LDB2: variants seen among roughly 807,000 people sequenced by gnomAD.
The protein encoded by LDB2 is LIM domain binding 2.
LDB2 carries 12 observed loss-of-function variants against 44.3 expected under a neutral mutation model. The ratio of observed to expected loss-of-function variants is 0.27; its 90% CI spans 0.17 to 0.44. LDB2 has a LOEUF of 0.44. Among genes scored for constraint, LDB2 ranks in the 20% least tolerant of loss-of-function variants. LDB2 has a pLI of 1.00. For synonymous variants in LDB2, 164 were observed against 174.8 expected (o/e 0.94, Z 0.49); for missense variants, 344 against 473.5 (o/e 0.73, Z 2.54).
At chr4:16,856,558 ACAATAGC>A (rs2110223422) in intron 1 of LDB2, among the ~76,000 whole-genome samples, 1 of 152,332 alleles carries the variant, frequency 6.6e-6, no homozygotes, top group East Asian at 1.9e-4. Context: ...CCACTGCAAC[ACAATAGC>A]ATCCATAGAG....
intron 2 of LDB2, among the ~76,000 whole-genome samples, chr4:16,683,351 G>A (rs549609708): frequency 6.6e-6 from 1 of 152,146 alleles, no homozygotes; most frequent in African/African-American, 2.4e-5. Flanking sequence ...GTCTAAAAAT[G>A]TATACCATGG....
At chr4:16,613,790 C>A (rs1726345475) in intron 2 of LDB2, among the ~76,000 whole-genome samples, 1 of 152,156 alleles carries the variant, frequency 6.6e-6, no homozygotes, top group Admixed American at 6.5e-5. Flanking sequence ...AATGGAAAAA[C>A]CTTCCATCCT....
intron 1 of LDB2, among the ~76,000 whole-genome samples, chr4:16,839,289 A>G (rs1464821191): frequency 6.6e-6 from 1 of 152,208 alleles, no homozygotes. Context: ...TCATGGCAGA[A>G]GGCAAGGGGA....
chr4:16,518,494 TC>T (rs869053989), intron 5 of LDB2, among the ~76,000 whole-genome samples: 16 of 151,592 alleles, frequency 1.1e-4, no homozygotes, highest in South Asian at 2.1e-4. Flanking sequence ...GTTTTTTTTT[TC>T]GCTTTTAAAA....
At chr4:16,644,958 G>T (rs375992884) in intron 2 of LDB2, among the ~76,000 whole-genome samples, 142 of 152,142 alleles carry the variant, frequency 9.3e-4, no homozygotes, top group African/African-American at 3.2e-3. Flanking sequence ...GCTCTTAGTG[G>T]CCCAACTGAT....
chr4:16,892,847 A>G (rs1002295679), intron 1 of LDB2, among the ~76,000 whole-genome samples: 6 of 152,216 alleles, frequency 3.9e-5, no homozygotes, highest in Non-Finnish European at 4.4e-5. Context: ...ATCCTACATC[A>G]TAATTTACAC....
chr4:16,864,536 C>G (rs1713946171), intron 1 of LDB2, among the ~76,000 whole-genome samples: 2 of 152,130 alleles, frequency 1.3e-5, no homozygotes. Context: ...CAATTACCCC[C>G]AGAGTATTAA....
intron 5 of LDB2, among the ~76,000 whole-genome samples, chr4:16,569,649 A>AGCCTCCAT: frequency 6.6e-6 from 1 of 152,264 alleles, no homozygotes; most frequent in South Asian, 2.1e-4. Context: ...AACCTGGGTC[A>AGCCTCCAT]GCCTCCATCC....
In LDB2 at chr4:16,592,465, C is replaced by CATACATAT. The variant is rs1260473942; in HGVS notation, c.408+3237_408+3238insATATGTAT. ...AACGCATTCATATGCATTATACATA[C>CATACATAT]ATATATATATATATATATATATATA... On this transcript the variant is annotated intron_variant, in intron 3 of 7. Coordinates refer to ENST00000304523, the MANE Select transcript of LDB2 (RefSeq NM_001290.5). Among the ~76,000 whole-genome samples, 50 of 116,574 alleles carry CATACATAT rather than the reference C, an allele frequency of 4.3e-4. 1 individual carries two copies. The highest frequency in any genetic ancestry group is 1.4e-3 in the South Asian group (5 of 3,462). The allele number at this position is 116,574 out of a possible 152,430, so 76.5% of individuals were successfully genotyped here.
intron 1 of LDB2, among the ~76,000 whole-genome samples, chr4:16,870,019 G>C (rs1716001706): frequency 6.6e-6 from 1 of 152,168 alleles, no homozygotes; most frequent in South Asian, 2.1e-4. Flanking sequence ...CTATGTGAGT[G>C]GGTGGCCATG....
At chr4:16,852,659 CA>C (rs1350735758) in intron 1 of LDB2, among the ~76,000 whole-genome samples, 1 of 152,094 alleles carries the variant, frequency 6.6e-6, no homozygotes, top group East Asian at 1.9e-4. Flanking sequence ...AGGATTTTAT[CA>C]GTTTGTTTTT....
chr4:16,585,454 G>C (rs979849059), intron 5 of LDB2, among the ~76,000 whole-genome samples: 4 of 152,164 alleles, frequency 2.6e-5, no homozygotes, highest in Non-Finnish European at 5.9e-5. Flanking sequence ...TACATGTTGT[G>C]CAGAGAGTGC....
chr4:16,834,753 G>A (rs909873642), intron 1 of LDB2, among the ~76,000 whole-genome samples: 1 of 152,016 alleles, frequency 6.6e-6, no homozygotes, highest in Non-Finnish European at 1.5e-5. Context: ...CTTGAACCCC[G>A]GAGTCGGAGT....
chr4:16,604,053 G>C (rs1416104211), intron 2 of LDB2, among the ~76,000 whole-genome samples: 1 of 152,028 alleles, frequency 6.6e-6, no homozygotes, highest in Non-Finnish European at 1.5e-5. Context: ...TCTTTATAGA[G>C]ACGGGGTCCA....
rs148474701 is a variant in LDB2 at position 16,829,829 on chromosome 4, G to A, written c.132+68525C>T. Among the ~76,000 whole-genome samples, 315 of 152,202 alleles carry A rather than the reference G, an allele frequency of 2.1e-3. 5 individuals carry two copies. In the East Asian group the frequency reaches 0.036, roughly 18 times the overall value. The stretch of plus-strand genomic sequence containing the variant: ...CTCACTCGAAAAACACACACAGGCC[G>A]GGTGCGGTGGCTCACGCCTGTAATC... On this transcript the variant is annotated intron_variant, in intron 1 of 7. Coordinates refer to ENST00000304523, the MANE Select transcript of LDB2 (RefSeq NM_001290.5).
intron 5 of LDB2, among the ~76,000 whole-genome samples, chr4:16,520,843 C>T (rs1324546483): frequency 2.0e-5 from 3 of 152,180 alleles, no homozygotes; most frequent in African/African-American, 7.2e-5. Flanking sequence ...ATTTCTGCTG[C>T]ATCCGTTAGG....
chr4:16,776,995 C>A (rs936441566), intron 1 of LDB2, among the ~76,000 whole-genome samples: 7 of 152,178 alleles, frequency 4.6e-5, no homozygotes, highest in Non-Finnish European at 1.0e-4. Flanking sequence ...GTTGTGACAA[C>A]CAAAAATGTC....
chr4:16,688,336 T>G (rs1237177600), intron 2 of LDB2, among the ~76,000 whole-genome samples: 1 of 152,170 alleles, frequency 6.6e-6, no homozygotes, highest in Non-Finnish European at 1.5e-5. Context: ...TTCAGGCAGG[T>G]GCTTAAGCAG....
intron 2 of LDB2, among the ~76,000 whole-genome samples, chr4:16,660,611 G>A (rs1389177033): frequency 6.6e-6 from 1 of 152,082 alleles, no homozygotes; most frequent in African/African-American, 2.4e-5. Flanking sequence ...CTAGGTTCTG[G>A]GGTCATAAAG....
Sources: allele counts gnomAD v4.1 joint callset (sites outside exome capture counted in the v4.1 genomes callset), GRCh38; gene constraint gnomAD v4.1.1; transcripts MANE v1.5; gene names NCBI Gene and HGNC (gene_info 2026-07-23, HGNC 2026-07-21).